Variants in ERCC6 observed in about 807,000 individuals in gnomAD.
The protein encoded by ERCC6 is DNA excision repair protein ERCC-6.
ERCC6 carries 116 observed loss-of-function variants against 158.7 expected under a neutral mutation model. The observed-to-expected ratio is 0.73, with a 90% CI of 0.63 to 0.85. The LOEUF is 0.85. ERCC6 is among the 40% of genes least tolerant of loss of function. ERCC6 has a pLI of 0.00. For missense variants in ERCC6, 1,698 were observed against 1,799.4 expected (o/e 0.94, Z 1.02); for synonymous variants, 678 against 659.3 (o/e 1.03, Z -0.43).
chr10:49,435,964 T>G, the ERCC6 span, among the ~76,000 whole-genome samples: 1 of 149,808 alleles, frequency 6.7e-6, no homozygotes, highest in Non-Finnish European at 1.5e-5. Flanking sequence ...ATCGTGCCAC[T>G]GTACTCCAGC....
chr10:49,530,894 T>C (rs993528333), intron 2 of ERCC6, 54 bp from the exon 3 acceptor site: 3 of 1,598,808 alleles, frequency 1.9e-6, no homozygotes, highest in African/African-American at 1.3e-5. Flanking sequence ...TTTTATAGCA[T>C]AATATAAAGA....
intron 12 of ERCC6, among the ~76,000 whole-genome samples, chr10:49,474,563 TA>T (rs1005552556): frequency 5.1e-4 from 77 of 152,256 alleles, no homozygotes; most frequent in Non-Finnish European, 4.0e-4. Flanking sequence ...AAACCTAATA[TA>T]AAAAAGGAAT....
At chr10:49,510,547 G>A (rs896934964) in intron 5 of ERCC6, among the ~76,000 whole-genome samples, 5 of 152,072 alleles carry the variant, frequency 3.3e-5, no homozygotes, top group Non-Finnish European at 4.4e-5. Context: ...TGACATCTTG[G>A]ACACACCTGG....
chr10:49,459,471 T>C (rs1810534398), intron 20 of ERCC6, among the ~76,000 whole-genome samples: 1 of 152,050 alleles, frequency 6.6e-6, no homozygotes, highest in South Asian at 2.1e-4. Flanking sequence ...AACCAAGCCA[T>C]TCCCTTAGTC....
chr10:49,450,716 T>G (rs1850410137), downstream of ERCC6, among the ~76,000 whole-genome samples: 2 of 152,212 alleles, frequency 1.3e-5, no homozygotes. Flanking sequence ...GTTTTGCACT[T>G]TTTGTTAAAT....
At chr10:49,464,248 C>T (rs896717647) in intron 18 of ERCC6, among the ~76,000 whole-genome samples, 8 of 152,140 alleles carry the variant, frequency 5.3e-5, no homozygotes, top group East Asian at 1.9e-4. Context: ...AAGAGACAGG[C>T]GGCATTTTGC....
downstream of ERCC6, among the ~76,000 whole-genome samples, chr10:49,449,560 CTTTTTTTTTTT>C (rs71026248): frequency 2.9e-5 from 2 of 68,024 alleles, no homozygotes; most frequent in Non-Finnish European, 5.1e-5. Flanking sequence ...ATAGTTAGGT[CTTTTTTTTTTT>C]TTTTTTTTTT....
rs1056190012 is a variant in ERCC6, at chr10:49,465,964, G to A, written c.3778+4218C>T. On this transcript the variant is annotated intron_variant, in intron 18 of 20. Transcript: ENST00000355832. ...AAGGAAGGGGTGGGGACAGGGTGGGGGATGACACTACTCTGGTATTCCTTT... is the reference window on the plus strand; with the variant it reads ...AAGGAAGGGGTGGGGACAGGGTGGGAGATGACACTACTCTGGTATTCCTTT... 2.6e-5 allele frequency among the ~76,000 whole-genome samples: 4 copies of A among 152,102 alleles called. No individual in the cohort carries two copies. In the South Asian group the frequency reaches 6.2e-4, roughly 24 times the overall value.
At chr10:49,439,899 C>T in the ERCC6 span, among the ~76,000 whole-genome samples, 1 of 152,288 alleles carries the variant, frequency 6.6e-6, no homozygotes, top group Middle Eastern at 3.4e-3. Flanking sequence ...CACTCCAGTT[C>T]CCAAAACAAG....
intron 5 of ERCC6, among the ~76,000 whole-genome samples, chr10:49,512,014 A>G (rs1836830162): frequency 6.6e-6 from 1 of 152,244 alleles, no homozygotes; most frequent in African/African-American, 2.4e-5. Context: ...GAAACTACAT[A>G]AATTTCAGAT....
intron 6 of ERCC6, chr10:49,501,292 T>C (rs1023897262): frequency 5.9e-5 from 9 of 153,066 alleles, no homozygotes; most frequent in African/African-American, 2.2e-4. Context: ...TTCTGTCATA[T>C]TACTAGCAGA....
intron 5 of ERCC6, among the ~76,000 whole-genome samples, chr10:49,509,036 C>T (rs1851492683): frequency 6.6e-6 from 1 of 152,066 alleles, no homozygotes; most frequent in African/African-American, 2.4e-5. Context: ...GAAGTGCAGG[C>T]CCAGGCACAA....
rs558724897 is a variant in ERCC6 at position 49,473,053 on chromosome 10, A to C, written c.2710-25T>G. Reference sequence around the variant, plus strand: ...CCTAGAGGTAAGACACACAACACTGAGCACACACACTTAAGACCAGTTACA... The same window carrying C: ...CCTAGAGGTAAGACACACAACACTGCGCACACACACTTAAGACCAGTTACA... On this transcript the variant is annotated intron_variant, in intron 14 of 20. Transcript: ENST00000355832. 6.6e-5 allele frequency: 107 copies of C among 1,613,946 alleles called. 1 individual carries two copies. The South Asian group carries it at 1.1e-3, about 17-fold the overall frequency.
At position 49,524,093 on chromosome 10, in the gene ERCC6, C is replaced by T. The variant is rs4253047; in HGVS notation, c.1337G>A (p.Gly446Asp). Residue 446 changes from glycine to aspartate, a missense_variant, in exon 5 of 21, where the codon GGT becomes GAT. Transcript: ENST00000355832. ...AASVGEGGGG[G>D]RKVGRYRDDG... ...ATCTCGGTATCTTCCCACTTTCCGACCTCCTCCTCCTCCTTCTCCTACAGA... is the reference window on the plus strand; with the variant it reads ...ATCTCGGTATCTTCCCACTTTCCGATCTCCTCCTCCTCCTTCTCCTACAGA... The T allele has an allele frequency of 0.014, 21,895 of 1,612,966 alleles. 163 individuals carry two copies. The highest frequency in any genetic ancestry group is 0.016 in the Non-Finnish European group (19,203 of 1,179,896).
chr10:49,520,813 C>T (rs754533342), intron 5 of ERCC6, among the ~76,000 whole-genome samples: 1 of 152,192 alleles, frequency 6.6e-6, no homozygotes, highest in Non-Finnish European at 1.5e-5. Flanking sequence ...GGCATCACAC[C>T]AACCTCCAAG....
chr10:49,446,498 G>A, the ERCC6 span, among the ~76,000 whole-genome samples: 28,744 of 152,194 alleles, frequency 0.19, 3,189 homozygotes, highest in South Asian at 0.34. Flanking sequence ...AATTCAGGCT[G>A]GGCACAGTGC....
Position 49,474,039 on chromosome 10 carries a change from A to G in ERCC6, c.2586T>C (p.Ser862=). Residue 862 remains serine (S), a synonymous_variant, in exon 13 of 21, where the codon TCT becomes TCC. Transcript: ENST00000355832. ...HKQGQRVLLF[S]QSRQMLDILE... ...TCTGTGCACTCACCTGCCTTGACTG[A>G]GAAAACAGCAATACTCGCTGACCCT... 5 of 1,614,020 alleles carry G rather than the reference A, an allele frequency of 3.1e-6. No individual in the cohort carries two copies. Among genetic ancestry groups the G allele is most frequent in the Non-Finnish European group, 4.2e-6 (5 of 1,179,990 alleles).
At chr10:49,477,344 C>A (rs1363176979) in intron 11 of ERCC6, among the ~76,000 whole-genome samples, 1 of 152,158 alleles carries the variant, frequency 6.6e-6, no homozygotes, top group Non-Finnish European at 1.5e-5. Flanking sequence ...CACCTCTGCA[C>A]TGTATCTGAA....
chr10:49,473,566 A>G lies in ERCC6; in HGVS notation c.2620T>C (p.Phe874Leu), dbSNP rs772344335. 1 of 1,609,422 alleles carries G rather than the reference A, an allele frequency of 6.2e-7. No homozygotes were observed. Among genetic ancestry groups the G allele is most frequent in the East Asian group, 2.2e-5 (1 of 44,850 alleles). ...TAGGTATACTTTTGGGCTCTAAGGA[A>G]TACTTCAAGTATGTCCAGCATCTGT... ...SRQMLDILEV[F>L]LRAQKYTYLK... Residue 874 changes from phenylalanine to leucine, a missense_variant, in exon 14 of 21, where the codon TTC becomes CTC. Phe to Leu is a conservative substitution (Grantham distance 22, BLOSUM62 0). Coordinates refer to ENST00000355832, the MANE Select transcript of ERCC6 (RefSeq NM_000124.4).
Sources: gnomAD v4.1 joint callset for allele counts (sites outside exome capture counted in the v4.1 genomes callset) on GRCh38, gnomAD v4.1.1 for gene constraint, MANE v1.5 for transcripts, NCBI Gene and HGNC (gene_info 2026-07-23, HGNC 2026-07-21) for gene names.